Variants in CDH23 observed in about 807,000 individuals in gnomAD.
CDH23 encodes the protein cadherin related 23.
CDH23 carries 189 observed loss-of-function variants against 317.1 expected under a neutral mutation model. That is an observed-to-expected ratio of 0.60 (90% CI 0.53 to 0.67). The LOEUF is 0.67. Ranked by LOEUF, CDH23 falls within the 30% of genes least tolerant of loss-of-function variation. The pLI is 0.00. For missense variants in CDH23, 4,401 were observed against 4,592.4 expected (o/e 0.96, Z 1.20); for synonymous variants, 1,839 against 1,876.8 (o/e 0.98, Z 0.52).
At chr10:71,568,634 C>T (rs989945896) in intron 7 of CDH23, among the ~76,000 whole-genome samples, 1 of 152,194 alleles carries the variant, frequency 6.6e-6, no homozygotes, top group Admixed American at 6.5e-5. Context: ...GAGGAGCTGA[C>T]ACCGAGTCCT....
At chr10:71,579,598 A>G (rs192245836) in intron 9 of CDH23, among the ~76,000 whole-genome samples, 13 of 152,216 alleles carry the variant, frequency 8.5e-5, no homozygotes, top group Admixed American at 4.6e-4. Flanking sequence ...GGGCCCAAGA[A>G]TGGTCCTTTC....
At chr10:71,601,960 G>GT (rs1564680430) in intron 9 of CDH23, among the ~76,000 whole-genome samples, 3 of 108,888 alleles carry the variant, frequency 2.8e-5, no homozygotes, top group Non-Finnish European at 4.0e-5. Context: ...GTGGGCGGCG[G>GT]AGGGGGGGGG....
At position 71,686,326 on chromosome 10, in the gene CDH23, C is replaced by T. The variant is rs187713687; in HGVS notation, c.1987-1321C>T. Among the ~76,000 whole-genome samples the T allele has an allele frequency of 3.3e-5, 5 of 152,140 alleles. No homozygotes were observed. In the East Asian group the frequency reaches 7.8e-4, roughly 24 times the overall value. On this transcript the variant is annotated intron_variant, in intron 18 of 69. Transcript: ENST00000224721. ...CAGGGACAGGGGAGATGCCCAGGCA[C>T]GCAGCTGGGGCATTGGACATCAGGG...
intron 22 of CDH23, among the ~76,000 whole-genome samples, chr10:71,699,152 C>T (rs1370520536): frequency 2.0e-5 from 3 of 152,254 alleles, no homozygotes; most frequent in African/African-American, 7.2e-5. Flanking sequence ...ACCATACTGC[C>T]TAGCACAGTT....
rs894816879 is a variant in CDH23 at position 71,712,338 on chromosome 10, G to GT, written c.3221-319dup. 8.9e-4 allele frequency: 231 copies of GT among 258,506 alleles called. 1 individual carries two copies. The highest frequency in any genetic ancestry group is 3.0e-3 in the East Asian group (41 of 13,548). 16.0% of individuals were successfully genotyped at this position (258,506 alleles called of 1,614,324 possible). A position where few individuals can be genotyped will look rare whatever the true frequency, so the allele number is the denominator to read the frequency against. On this transcript the variant is annotated intron_variant, in intron 27 of 69. Transcript: ENST00000224721. ...GTTCCCAGGGGTTTAACATGGGTCT[G>GT]TTTTTTTTGGGAGCCATCATTCAAT...
intron 6 of CDH23, among the ~76,000 whole-genome samples, chr10:71,519,573 C>T (rs1445097396): frequency 6.6e-6 from 1 of 152,214 alleles, no homozygotes; most frequent in African/African-American, 2.4e-5. Flanking sequence ...ACTTCAACTG[C>T]ATTGTGATGG....
At chr10:71,597,281 G>A (rs894756668) in intron 9 of CDH23, among the ~76,000 whole-genome samples, 3 of 152,044 alleles carry the variant, frequency 2.0e-5, no homozygotes, top group African/African-American at 7.2e-5. Context: ...CCCAACATGG[G>A]GCTGGTTTCA....
chr10:71,449,615 GTGTTT>G (rs533037161), intron 3 of CDH23, among the ~76,000 whole-genome samples: 1 of 152,182 alleles, frequency 6.6e-6, no homozygotes, highest in Non-Finnish European at 1.5e-5. Flanking sequence ...AGTGTCCTAA[GTGTTT>G]TTATGCATTA....
At chr10:71,760,644 G>A (rs896577690) in intron 38 of CDH23, 3 of 537,742 alleles carry the variant, frequency 5.6e-6, no homozygotes, top group African/African-American at 3.8e-5. Context: ...CCACTCCAGA[G>A]AGTCAAGAGG....
intron 3 of CDH23, among the ~76,000 whole-genome samples, chr10:71,497,344 A>T (rs117316331): frequency 3.5e-4 from 53 of 152,302 alleles, no homozygotes; most frequent in African/African-American, 1.2e-3. Flanking sequence ...TATCACTGTT[A>T]TTAAATCTGG....
chr10:71,566,285 G>T (rs979909118), intron 6 of CDH23, among the ~76,000 whole-genome samples: 2 of 152,056 alleles, frequency 1.3e-5, no homozygotes, highest in Non-Finnish European at 2.9e-5. Flanking sequence ...ATTGTTCTCC[G>T]GAGGCCCTTT....
chr10:71,640,891 A>T (rs532639197), intron 11 of CDH23, among the ~76,000 whole-genome samples: 1 of 152,198 alleles, frequency 6.6e-6, no homozygotes, highest in African/African-American at 2.4e-5. Context: ...TGGTCCCAGG[A>T]CCACACTTGG....
rs117051742 is a variant in CDH23, at chr10:71,708,400, G to A, written c.3107-698G>A. Among the ~76,000 whole-genome samples the A allele has an allele frequency of 1.8e-3, 275 of 152,326 alleles. 11 individuals are homozygous for A. In the East Asian group the frequency reaches 0.042, roughly 23 times the overall value. On this transcript the variant is annotated intron_variant, in intron 26 of 69. Coordinates refer to ENST00000224721, the MANE Select transcript of CDH23 (RefSeq NM_022124.6). ...GTGCCGTGGCGCCCTCTGCTGCCCA[G>A]AACACCACACTGCTCGCCAGCTGGC...
intron 3 of CDH23, among the ~76,000 whole-genome samples, chr10:71,479,127 G>A (rs1851938236): frequency 1.3e-5 from 2 of 151,958 alleles, no homozygotes; most frequent in African/African-American, 4.9e-5. Flanking sequence ...GGCTCAGAGA[G>A]GTTAAGTGCC....
At chr10:71,738,427 C>A (rs117155162) in intron 34 of CDH23, 71 bp from the exon 35 acceptor site, 1 of 1,589,102 alleles carries the variant, frequency 6.3e-7, no homozygotes, top group East Asian at 2.2e-5. Flanking sequence ...ACTGGACCCA[C>A]GGTGGGACCC....
In CDH23 at chr10:71,798,479, G is replaced by A. The variant is rs2132965764; in HGVS notation, c.6955G>A (p.Ala2319Thr). Residue 2319 changes from alanine (A) to threonine (T), a missense_variant, in exon 50 of 70, where the codon GCA (alanine) becomes ACA (threonine). Ala to Thr is a moderately conservative substitution (Grantham distance 58). This residue lies in a region of CDH23 where 3,068 missense variants were observed against 3,203.3 expected (regional missense o/e 0.96). Transcript: ENST00000224721. ...ATPGTTLIAV[A>T]AVDPDKGLNG... ...CCCTGGGACCACACTCATTGCTGTG[G>A]CAGCCGTGGACCCTGACAAGGGCCT... is the stretch of plus-strand genomic sequence containing the variant. 5.6e-6 allele frequency: 9 copies of A among 1,613,998 alleles called. No homozygotes were observed. Among genetic ancestry groups the A allele is most frequent in the Non-Finnish European group, 7.6e-6 (9 of 1,179,864 alleles).
At chr10:71,436,567 A>C (rs1473417371) in intron 1 of CDH23, among the ~76,000 whole-genome samples, 9 of 152,230 alleles carry the variant, frequency 5.9e-5, no homozygotes, top group Admixed American at 5.9e-4. Context: ...GACCTCTCTG[A>C]GCCTCAATGT....
intron 3 of CDH23, among the ~76,000 whole-genome samples, chr10:71,471,211 C>T (rs1028018872): frequency 2.0e-5 from 3 of 152,254 alleles, no homozygotes; most frequent in Non-Finnish European, 2.9e-5. Flanking sequence ...CTGCCATCTG[C>T]GCGCAGCCCG....
At chr10:71,778,042 A>C (rs1257552479) in intron 39 of CDH23, 141 bp downstream of exon 39, 24 of 1,430,308 alleles carry the variant, frequency 1.7e-5, no homozygotes, top group Non-Finnish European at 2.3e-5. Flanking sequence ...GAGGATGAAA[A>C]GTTTGGTGGA....
Sources: gnomAD v4.1 joint callset for allele counts (sites outside exome capture counted in the v4.1 genomes callset) on GRCh38, gnomAD v4.1.1 for gene constraint, gnomAD v4.1.1 regional missense constraint, MANE v1.5 for transcripts, NCBI Gene and HGNC (gene_info 2026-07-23, HGNC 2026-07-21) for gene names.